HMCES: variants seen among roughly 807,000 people sequenced by gnomAD.
The protein encoded by HMCES is abasic site processing protein HMCES.
Under a neutral mutation model 35.1 loss-of-function variants are expected in HMCES, and 27 were observed. The ratio of observed to expected loss-of-function variants is 0.77; its 90% confidence interval spans 0.57 to 1.06. The LOEUF is 1.06. HMCES is among the 50% of genes least tolerant of loss of function. HMCES has a pLI of 0.00. For synonymous variants in HMCES, 130 were observed against 154.7 expected (o/e 0.84, Z 1.18); for missense variants, 391 against 430.4 (o/e 0.91, Z 0.81).
At chr3:129,283,095 G>A (rs934551552) in intron 2 of HMCES, among the ~76,000 whole-genome samples, 1 of 152,138 alleles carries the variant, frequency 6.6e-6, no homozygotes, top group African/African-American at 2.4e-5. Context: ...CTAGATGTCA[G>A]TAGCATCCTC....
At chr3:129,289,947 G>GAGGTT (rs1940753071) in intron 3 of HMCES, among the ~76,000 whole-genome samples, 1 of 152,058 alleles carries the variant, frequency 6.6e-6, no homozygotes, top group Non-Finnish European at 1.5e-5. Flanking sequence ...CAGCACTTTG[G>GAGGTT]GAGGCCAAGA....
intron 2 of HMCES, among the ~76,000 whole-genome samples, chr3:129,280,758 T>A (rs539407334): frequency 4.8e-4 from 73 of 152,348 alleles, no homozygotes; most frequent in African/African-American, 1.7e-3. Flanking sequence ...ATAGTATTTA[T>A]CCCTGTAGTG....
At chr3:129,293,116 T>A (rs946090128) in intron 4 of HMCES, among the ~76,000 whole-genome samples, 2 of 152,242 alleles carry the variant, frequency 1.3e-5, no homozygotes, top group Non-Finnish European at 2.9e-5. Context: ...AGTTTTGTTA[T>A]CTTACAAGCG....
Position 129,305,062 on chromosome 3 carries a change from G to A in HMCES, c.*237G>A, listed in dbSNP as rs945500583. The A allele has an allele frequency of 1.4e-5, 8 of 554,758 alleles. No homozygotes were observed. The highest frequency in any genetic ancestry group is 3.8e-5 in the African/African-American group (2 of 53,264). 34.4% of individuals were successfully genotyped at this position (554,758 alleles called of 1,614,324 possible). ...GCCATGTGGGCCCCATAGGGGCACTGCGCCTGCTGCCCTTTCCTGGCAGGG... is the reference window on the plus strand; with the variant it reads ...GCCATGTGGGCCCCATAGGGGCACTACGCCTGCTGCCCTTTCCTGGCAGGG... On this transcript the variant is annotated 3_prime_UTR_variant, in exon 7 of 7. Transcript: ENST00000383463.
intron 2 of HMCES, among the ~76,000 whole-genome samples, chr3:129,282,587 A>G (rs533116594): frequency 2.0e-5 from 3 of 152,320 alleles, no homozygotes; most frequent in South Asian, 2.1e-4. Flanking sequence ...TTGATTTCAC[A>G]TCTCTAACAA....
chr3:129,295,542 T>C (rs556570265), intron 4 of HMCES, among the ~76,000 whole-genome samples: 1 of 152,308 alleles, frequency 6.6e-6, no homozygotes, highest in East Asian at 1.9e-4. Flanking sequence ...GTAGTCACTT[T>C]CCATACCTCC....
At chr3:129,280,231 G>A (rs897942085) in intron 2 of HMCES, among the ~76,000 whole-genome samples, 1 of 152,126 alleles carries the variant, frequency 6.6e-6, no homozygotes, top group African/African-American at 2.4e-5. Context: ...CAGGGTCATT[G>A]GAGTATCTTA....
At chr3:129,295,422 G>A (rs1223886372) in intron 4 of HMCES, among the ~76,000 whole-genome samples, 7 of 146,696 alleles carry the variant, frequency 4.8e-5, no homozygotes, top group Non-Finnish European at 1.0e-4. Context: ...AGGTGACACA[G>A]TGAGACTCTA....
intron 4 of HMCES, among the ~76,000 whole-genome samples, chr3:129,295,961 CAT>C (rs1400805299): frequency 1.3e-5 from 2 of 152,140 alleles, no homozygotes; most frequent in African/African-American, 2.4e-5. Flanking sequence ...TCTAATGACA[CAT>C]GTGTTAGATG....
intron 2 of HMCES, among the ~76,000 whole-genome samples, chr3:129,285,833 A>C (rs1414904389): frequency 3.4e-5 from 5 of 145,426 alleles, no homozygotes; most frequent in African/African-American, 1.3e-4. Flanking sequence ...GAGCTCAAGC[A>C]ATTCTCATGC....
At chr3:129,287,926 G>A (rs763052366) in intron 2 of HMCES, among the ~76,000 whole-genome samples, 4 of 152,126 alleles carry the variant, frequency 2.6e-5, no homozygotes, top group African/African-American at 4.8e-5. Context: ...GCGTGGTGGT[G>A]GAAGCCTGTA....
intron 4 of HMCES, among the ~76,000 whole-genome samples, chr3:129,293,524 A>G (rs2071049770): frequency 6.7e-6 from 1 of 150,114 alleles, no homozygotes; most frequent in South Asian, 2.1e-4. Context: ...TACTCTTTCT[A>G]GGAACTTAAT....
intron 4 of HMCES, among the ~76,000 whole-genome samples, chr3:129,298,116 A>G (rs2071115841): frequency 6.6e-6 from 1 of 152,230 alleles, no homozygotes; most frequent in Non-Finnish European, 1.5e-5. Flanking sequence ...AGTTCACGGA[A>G]GGCCTAAATG....
chr3:129,284,224 T>C (rs1176846800), intron 2 of HMCES, among the ~76,000 whole-genome samples: 1 of 152,222 alleles, frequency 6.6e-6, no homozygotes, highest in Non-Finnish European at 1.5e-5. Flanking sequence ...GCAGCCAGTT[T>C]AGTGCCATGT....
At position 129,287,258 on chromosome 3, in the gene HMCES, C is replaced by T. The variant is rs117281873; in HGVS notation, c.184-1596C>T. Among the ~76,000 whole-genome samples, 199 of 151,758 alleles carry T rather than the reference C, an allele frequency of 1.3e-3. 7 individuals are homozygous for T. The East Asian group carries it at 0.034, about 26-fold the overall frequency. On this transcript the variant is annotated intron_variant, in intron 2 of 6. Transcript: ENST00000383463. Reference sequence around the variant, plus strand: ...TTTTTTTTGAGAGAAGGTCCTGCTCCGTGGTCCAGGTTGGAGTGCAGTGGC... The same window carrying T: ...TTTTTTTTGAGAGAAGGTCCTGCTCTGTGGTCCAGGTTGGAGTGCAGTGGC...
chr3:129,284,194 T>G (rs548027473), intron 2 of HMCES, among the ~76,000 whole-genome samples: 1 of 152,328 alleles, frequency 6.6e-6, no homozygotes, highest in South Asian at 2.1e-4. Context: ...TCTCTTACGT[T>G]ATAAACAAGT....
At chr3:129,292,194 A>G (rs188851309) in intron 4 of HMCES, among the ~76,000 whole-genome samples, 20 of 152,316 alleles carry the variant, frequency 1.3e-4, no homozygotes, top group Non-Finnish European at 5.9e-5. Context: ...TTTTAATTAG[A>G]TTATTTAGTC....
At chr3:129,298,648 C>G (rs961762135) in intron 5 of HMCES, 113 bp downstream of exon 5, 14 of 889,352 alleles carry the variant, frequency 1.6e-5, no homozygotes, top group African/African-American at 1.5e-4. Context: ...CGTAAAGTTA[C>G]AATCAGTTTG....
chr3:129,302,220 CT>C, intron 6 of HMCES, 78 bp downstream of exon 6: 1 of 1,241,238 alleles, frequency 8.1e-7, no homozygotes, highest in Non-Finnish European at 1.1e-6. Flanking sequence ...AGGATGTGGC[CT>C]TTTATGATCA....
Sources: allele counts gnomAD v4.1 joint callset (sites outside exome capture counted in the v4.1 genomes callset), GRCh38; gene constraint gnomAD v4.1.1; transcripts MANE v1.5; gene names NCBI Gene and HGNC (gene_info 2026-07-23, HGNC 2026-07-21).